TENM3: variants seen among roughly 807,000 people sequenced by gnomAD.
TENM3 encodes teneurin transmembrane protein 3.
A neutral mutation model predicts 255.1 loss-of-function variants in TENM3; 63 were observed. The ratio of observed to expected loss-of-function variants is 0.25; its 90% CI spans 0.20 to 0.30. The LOEUF (loss-of-function observed/expected upper bound fraction) is 0.30. Among genes scored for constraint, TENM3 ranks in the 10% least tolerant of loss-of-function variants. TENM3 has a pLI of 1.00. For synonymous variants in TENM3, 1,306 were observed against 1,322.3 expected, an observed-to-expected ratio of 0.99 and a Z score of 0.27; for missense variants, 2,929 against 3,461.1, an observed-to-expected ratio of 0.85 and a Z score of 3.86.
At chr4:181,880,548 T>C in the TENM3 span, among the ~76,000 whole-genome samples, 1 of 152,226 alleles carries the variant, frequency 6.6e-6, no homozygotes, top group South Asian at 2.1e-4. Flanking sequence ...GACAACTTAT[T>C]GTATTCAAGT....
intron 3 of TENM3, among the ~76,000 whole-genome samples, chr4:182,360,008 A>G (rs1004012408): frequency 1.2e-3 from 177 of 152,246 alleles, no homozygotes; most frequent in African/African-American, 4.1e-3. Flanking sequence ...CAAGTTGTTC[A>G]GTTTCCATGG....
At chr4:181,550,861 G>A in the TENM3 span, among the ~76,000 whole-genome samples, 1 of 152,114 alleles carries the variant, frequency 6.6e-6, no homozygotes, top group Non-Finnish European at 1.5e-5. Context: ...AGATCTATCA[G>A]GCACAAAGTC....
the TENM3 span, among the ~76,000 whole-genome samples, chr4:182,057,963 A>G: frequency 1.3e-5 from 2 of 152,060 alleles, no homozygotes; most frequent in African/African-American, 4.8e-5. Flanking sequence ...CAGTTTTTAA[A>G]AATATATATG....
intron 5 of TENM3, among the ~76,000 whole-genome samples, chr4:182,647,788 T>G (rs1752885903): frequency 6.6e-6 from 1 of 152,212 alleles, no homozygotes; most frequent in African/African-American, 2.4e-5. Flanking sequence ...TTAATTTTTT[T>G]GTGGAATCAC....
the TENM3 span, among the ~76,000 whole-genome samples, chr4:181,661,804 G>A: frequency 1.3e-5 from 2 of 151,702 alleles, no homozygotes; most frequent in Admixed American, 1.3e-4. Context: ...AACAGTAAGT[G>A]GATTTTTCCC....
chr4:182,305,392 C>G (rs1392050821), intron 1 of TENM3, among the ~76,000 whole-genome samples: 1 of 152,170 alleles, frequency 6.6e-6, no homozygotes, highest in Non-Finnish European at 1.5e-5. Context: ...TTTATTCCTT[C>G]CAACATGCCA....
chr4:182,456,205 TGAG>T (rs1182231241), intron 3 of TENM3, among the ~76,000 whole-genome samples: 1 of 152,252 alleles, frequency 6.6e-6, no homozygotes, highest in African/African-American at 2.4e-5. Flanking sequence ...CTGATAAGGC[TGAG>T]TATCCCTGTC....
the TENM3 span, among the ~76,000 whole-genome samples, chr4:181,614,362 T>C: frequency 6.6e-6 from 1 of 152,206 alleles, no homozygotes; most frequent in African/African-American, 2.4e-5. Context: ...TGTCTGTTTG[T>C]TTTTACAGGA....
At chr4:182,287,289 G>C (rs2150305121) in intron 1 of TENM3, among the ~76,000 whole-genome samples, 1 of 152,324 alleles carries the variant, frequency 6.6e-6, no homozygotes, top group African/African-American at 2.4e-5. Flanking sequence ...GCCCCTGCCT[G>C]GTTCTCTGTC....
chr4:182,032,880 GTCAGTGATGATGTCCCCTTTA>G, the TENM3 span, among the ~76,000 whole-genome samples: 3 of 151,870 alleles, frequency 2.0e-5, no homozygotes, highest in African/African-American at 7.3e-5. Context: ...TTTCTGTGGG[GTCAGTGATGATGTCCCCTTTA>G]TCATTTTTTA....
chr4:182,728,873 G>GAA, intron 13 of TENM3, 92 bp from the exon 14 acceptor site: 86 of 734,782 alleles, frequency 1.2e-4, no homozygotes, highest in Admixed American at 2.2e-4. Context: ...CACTTGATGT[G>GAA]AAAAAAAAAA....
intron 12 of TENM3, 75 bp from the exon 13 acceptor site, chr4:182,714,012 G>C (rs1561146419): frequency 5.5e-6 from 7 of 1,264,408 alleles, no homozygotes; most frequent in Non-Finnish European, 6.8e-6. Context: ...CCCACTAAGT[G>C]TCCCTTATCT....
chr4:181,542,637 A>C, the TENM3 span, among the ~76,000 whole-genome samples: 1 of 152,162 alleles, frequency 6.6e-6, no homozygotes, highest in Admixed American at 6.5e-5. Flanking sequence ...AATGAAGGAT[A>C]ACTTCTAGGT....
chr4:182,731,041 A>G lies in TENM3; in HGVS notation c.2869A>G (p.Ser957Gly). ...GAATGACATTCCCAGCTGTGATCTG[A>G]GTGGATTCGTGAGGCCAAATCCCAT... ...EENDIPSCDL[S>G]GFVRPNPIIV... The change falls in exon 16 of 28, where the codon AGT becomes GGT. Residue 957 changes from serine (S) to glycine (G), a missense_variant. Ser to Gly is a moderately conservative substitution (Grantham distance 56). Coordinates refer to ENST00000511685, the MANE Select transcript of TENM3 (RefSeq NM_001080477.4). 1.2e-6 allele frequency: 2 copies of G among 1,613,942 alleles called. No homozygotes were observed. Among genetic ancestry groups the G allele is most frequent in the South Asian group, 2.2e-5 (2 of 91,074 alleles).
the TENM3 span, among the ~76,000 whole-genome samples, chr4:181,879,845 T>A: frequency 2.0e-5 from 3 of 152,058 alleles, no homozygotes; most frequent in Admixed American, 6.6e-5. Context: ...CTGTCAAAAA[T>A]CAGCACCTGC....
At chr4:182,027,214 T>C in the TENM3 span, among the ~76,000 whole-genome samples, 1 of 151,968 alleles carries the variant, frequency 6.6e-6, no homozygotes. Flanking sequence ...GTAAATGGGA[T>C]TACTTTAATT....
At chr4:182,495,791 A>C (rs1735721708) in intron 3 of TENM3, among the ~76,000 whole-genome samples, 1 of 152,218 alleles carries the variant, frequency 6.6e-6, no homozygotes, top group Admixed American at 6.5e-5. Context: ...TTACAAAGGT[A>C]TCTTATGCTT....
the TENM3 span, among the ~76,000 whole-genome samples, chr4:181,879,039 A>C: frequency 2.6e-5 from 4 of 152,174 alleles, no homozygotes; most frequent in Admixed American, 2.6e-4. Flanking sequence ...GTTTCAGATG[A>C]AAGTGGGATT....
At chr4:181,530,574 C>T in the TENM3 span, among the ~76,000 whole-genome samples, 1 of 152,200 alleles carries the variant, frequency 6.6e-6, no homozygotes, top group African/African-American at 2.4e-5. Flanking sequence ...CCATTGCTAA[C>T]AGTCGTAGAA....
Sources: allele counts gnomAD v4.1 joint callset (sites outside exome capture counted in the v4.1 genomes callset), GRCh38; gene constraint gnomAD v4.1.1; transcripts MANE v1.5; gene names NCBI Gene and HGNC (gene_info 2026-07-23, HGNC 2026-07-21).